ADGRL4: variants seen among roughly 807,000 people sequenced by gnomAD.
The protein encoded by ADGRL4 is EGF, latrophilin and seven transmembrane domain containing 1.
Under a neutral mutation model 74.8 loss-of-function variants are expected in ADGRL4, and 90 were observed. The ratio of observed to expected loss-of-function variants is 1.20; its 90% confidence interval spans 1.02 to 1.43. ADGRL4 has a LOEUF of 1.43. ADGRL4 is among the 40% of genes most tolerant of loss of function. The probability of loss-of-function intolerance (pLI) is 0.00; values close to 1 mark genes in which losing one functional copy is unlikely to be tolerated. For missense variants in ADGRL4, 881 were observed against 814.3 expected (o/e 1.08, Z -1.00); for synonymous variants, 311 against 279.2 (o/e 1.11, Z -1.14).
chr1:78,948,460 GATTTAGC>G (rs1414298007), intron 2 of ADGRL4, among the ~76,000 whole-genome samples: 3 of 152,044 alleles, frequency 2.0e-5, no homozygotes, highest in African/African-American at 7.2e-5. Flanking sequence ...ACTTTGTTCA[GATTTAGC>G]ATTTGGCCAG....
chr1:78,943,761 G>A (rs985296584), intron 3 of ADGRL4, among the ~76,000 whole-genome samples: 1 of 152,128 alleles, frequency 6.6e-6, no homozygotes, highest in Non-Finnish European at 1.5e-5. Flanking sequence ...AGAAATAGCT[G>A]CACTGCTTTT....
At chr1:78,944,326 A>T (rs1003067182) in intron 3 of ADGRL4, among the ~76,000 whole-genome samples, 9 of 152,200 alleles carry the variant, frequency 5.9e-5, no homozygotes, top group African/African-American at 1.9e-4. Context: ...ATTTCCACTA[A>T]AGCTTGCAGG....
At chr1:78,900,879 T>C (rs1648502232) in intron 12 of ADGRL4, among the ~76,000 whole-genome samples, 1 of 152,082 alleles carries the variant, frequency 6.6e-6, no homozygotes. Flanking sequence ...TATAATGAAA[T>C]ACCCTATAAT....
At chr1:78,984,784 T>C (rs1416613467) in intron 2 of ADGRL4, among the ~76,000 whole-genome samples, 3 of 151,748 alleles carry the variant, frequency 2.0e-5, no homozygotes, top group Non-Finnish European at 2.9e-5. Context: ...GGAGAATCTA[T>C]AGTGAAAATA....
chr1:78,949,138 G>A (rs1462101917), intron 2 of ADGRL4, among the ~76,000 whole-genome samples: 1 of 152,024 alleles, frequency 6.6e-6, no homozygotes, highest in Non-Finnish European at 1.5e-5. Context: ...CTGTAAAAAT[G>A]ATATGCAAAA....
At chr1:78,919,138 C>G (rs879488072) in intron 10 of ADGRL4, among the ~76,000 whole-genome samples, 22 of 151,936 alleles carry the variant, frequency 1.4e-4, no homozygotes, top group Non-Finnish European at 2.5e-4. Flanking sequence ...CACTTCTTGC[C>G]ATCTACTTCA....
At chr1:78,973,271 C>T (rs1420291722) in intron 2 of ADGRL4, among the ~76,000 whole-genome samples, 1 of 151,900 alleles carries the variant, frequency 6.6e-6, no homozygotes, top group Non-Finnish European at 1.5e-5. Context: ...TGATTCCCTT[C>T]ATATATATGT....
intron 2 of ADGRL4, among the ~76,000 whole-genome samples, chr1:79,004,423 G>T (rs1650916590): frequency 6.6e-6 from 1 of 152,050 alleles, no homozygotes; most frequent in Non-Finnish European, 1.5e-5. Flanking sequence ...ACGTAAATTT[G>T]ATTATCAGAT....
intron 1 of ADGRL4, among the ~76,000 whole-genome samples, chr1:79,005,580 G>T (rs928728657): frequency 6.6e-6 from 1 of 152,176 alleles, no homozygotes; most frequent in African/African-American, 2.4e-5. Context: ...GGAACTGCCT[G>T]ATTGTAAAGC....
intron 3 of ADGRL4, 23 bp downstream of exon 3, chr1:78,946,251 C>T (rs750045752): frequency 1.3e-6 from 2 of 1,579,860 alleles, no homozygotes; most frequent in Non-Finnish European, 1.7e-6. Context: ...TATACAAATT[C>T]TAACTTAGAT....
rs564865265 is a variant in ADGRL4, at chr1:78,953,477, A to G, written c.173-7051T>C. ...TTAGAATAGTATCAGATTCTTGCTAACATCACTGAAAGACAATAGAGTAAC... is the reference window on the plus strand; with the variant it reads ...TTAGAATAGTATCAGATTCTTGCTAGCATCACTGAAAGACAATAGAGTAAC... On this transcript the variant is annotated intron_variant, in intron 2 of 14. Transcript: ENST00000370742. Among the ~76,000 whole-genome samples, 6 of 152,340 alleles carry G rather than the reference A, an allele frequency of 3.9e-5. 1 individual carries two copies. In the South Asian group the frequency reaches 1.2e-3, roughly 32 times the overall value.
chr1:78,942,820 T>C (rs1649516053), intron 3 of ADGRL4, among the ~76,000 whole-genome samples: 1 of 151,976 alleles, frequency 6.6e-6, no homozygotes, highest in African/African-American at 2.4e-5. Flanking sequence ...GTCCCAGCTA[T>C]TTGGGAAGCT....
intron 12 of ADGRL4, among the ~76,000 whole-genome samples, chr1:78,900,226 A>G (rs974595614): frequency 6.6e-6 from 1 of 152,118 alleles, no homozygotes; most frequent in Non-Finnish European, 1.5e-5. Context: ...CCACAACTGC[A>G]TGGAGCTCAA....
At chr1:78,977,847 T>C (rs1650319012) in intron 2 of ADGRL4, among the ~76,000 whole-genome samples, 1 of 151,738 alleles carries the variant, frequency 6.6e-6, no homozygotes, top group African/African-American at 2.4e-5. Context: ...GCTAACATAA[T>C]CAAAACAGCT....
intron 3 of ADGRL4, among the ~76,000 whole-genome samples, chr1:78,945,177 A>AT (rs1553136471): frequency 0.019 from 2,371 of 127,810 alleles, 37 homozygotes; most frequent in East Asian, 0.063. Context: ...AAAAAAAAAA[A>AT]ATATATATAT....
intron 2 of ADGRL4, among the ~76,000 whole-genome samples, chr1:78,989,367 C>G (rs1237653976): frequency 2.0e-5 from 3 of 151,720 alleles, no homozygotes; most frequent in Non-Finnish European, 4.4e-5. Flanking sequence ...ACTTTAAATA[C>G]AGTCATCCAC....
chr1:78,926,536 T>G (rs1649117729), intron 8 of ADGRL4, among the ~76,000 whole-genome samples: 1 of 152,050 alleles, frequency 6.6e-6, no homozygotes, highest in Non-Finnish European at 1.5e-5. Flanking sequence ...AACACCTCAC[T>G]TATTACACAA....
At chr1:78,902,090 C>T (rs1198700983) in intron 12 of ADGRL4, among the ~76,000 whole-genome samples, 1 of 152,086 alleles carries the variant, frequency 6.6e-6, no homozygotes, top group South Asian at 2.1e-4. Flanking sequence ...TCAAAAAATG[C>T]AGTAAACTCT....
chr1:78,940,805 T>C (rs1256996781), intron 3 of ADGRL4, among the ~76,000 whole-genome samples: 1 of 152,158 alleles, frequency 6.6e-6, no homozygotes, highest in East Asian at 1.9e-4. Context: ...TAAATGCAGG[T>C]GTTCGTAATT....
Sources: gnomAD v4.1 joint callset for allele counts (sites outside exome capture counted in the v4.1 genomes callset) on GRCh38, gnomAD v4.1.1 for gene constraint, MANE v1.5 for transcripts, NCBI Gene and HGNC (gene_info 2026-07-23, HGNC 2026-07-21) for gene names.